Variants in KRR1 observed in about 807,000 individuals in gnomAD.
The protein encoded by KRR1 is KRR1 small subunit processome component homolog.
Under a neutral mutation model 50.0 loss-of-function variants are expected in KRR1, and 23 were observed. The observed-to-expected ratio is 0.46, with a 90% confidence interval of 0.33 to 0.65. The LOEUF is 0.65. Ranked by LOEUF, KRR1 falls within the 30% of genes least tolerant of loss-of-function variation. The pLI is 0.02. For missense variants in KRR1, 419 were observed against 442.4 expected (o/e 0.95, Z 0.47); for synonymous variants, 133 against 146.3 (o/e 0.91, Z 0.66).
At chr12:75,508,181 TAA>T (rs371285294) in intron 2 of KRR1, 91 bp downstream of exon 2, 18,757 of 650,550 alleles carry the variant, frequency 0.029, no homozygotes, top group South Asian at 0.046. Context: ...TTAGCACCAT[TAA>T]AAAAAAAAAA....
At chr12:75,503,827 A>C in intron 7 of KRR1, 77 bp downstream of exon 7, 1 of 1,298,906 alleles carries the variant, frequency 7.7e-7, no homozygotes, top group South Asian at 1.4e-5. Context: ...CCCACCTGAA[A>C]TACTTTCAAT....
rs1469831019 is a variant in KRR1, at chr12:75,496,650, C to T, written c.*3159G>A. 6.6e-6 allele frequency: 1 copy of T among 152,106 alleles called. No individual in the cohort carries two copies. The highest frequency in any genetic ancestry group is 1.9e-4 in the East Asian group (1 of 5,180). The allele number at this position is 152,106 out of a possible 1,614,324, so 9.4% of individuals were successfully genotyped here. A position where few individuals can be genotyped will look rare whatever the true frequency, so the allele number is the denominator to read the frequency against. On this transcript the variant is annotated 3_prime_UTR_variant, in exon 10 of 10. Coordinates refer to ENST00000229214, the MANE Select transcript of KRR1 (RefSeq NM_007043.7). ...GGTACTTTCGTGTCCATATTTGTAACAAACTGAACTCAGAGCAGCCGGGCT... is the reference window on the plus strand; with the variant it reads ...GGTACTTTCGTGTCCATATTTGTAATAAACTGAACTCAGAGCAGCCGGGCT...
intron 6 of KRR1, chr12:75,504,340 A>T (rs1594068401): frequency 1.3e-5 from 3 of 228,046 alleles, no homozygotes; most frequent in Non-Finnish European, 1.7e-5. Flanking sequence ...ATTTCATTAA[A>T]ACATTTAAAA....
intron 6 of KRR1, 99 bp downstream of exon 6, chr12:75,505,099 T>C: frequency 8.1e-7 from 1 of 1,229,188 alleles, no homozygotes; most frequent in South Asian, 1.4e-5. Flanking sequence ...TATCTGTTTG[T>C]GCATTAGAAT....
intron 6 of KRR1, among the ~76,000 whole-genome samples, chr12:75,504,737 A>C (rs150118288): frequency 2.0e-5 from 3 of 152,082 alleles, no homozygotes; most frequent in African/African-American, 7.2e-5. Context: ...CTTTGTGCAC[A>C]CAGGGATATA....
rs1258372127 is a variant in KRR1, at chr12:75,506,983, C to T, written c.259-67G>A. On this transcript the variant is annotated intron_variant, in intron 2 of 9. Coordinates refer to ENST00000229214, the MANE Select transcript of KRR1 (RefSeq NM_007043.7). ...GTTTTTTTAGATAATTATAAAGCCTCTCCTAACCAACCTATTAATTTCTGT... is the reference window on the plus strand; with the variant it reads ...GTTTTTTTAGATAATTATAAAGCCTTTCCTAACCAACCTATTAATTTCTGT... The T allele has an allele frequency of 3.0e-6, 4 of 1,350,824 alleles. No individual in the cohort carries two copies. The East Asian group carries it at 7.8e-5, about 26-fold the overall frequency. 83.7% of individuals were successfully genotyped at this position (1,350,824 alleles called of 1,614,324 possible).
intron 7 of KRR1, 82 bp from the exon 8 acceptor site, chr12:75,502,082 G>A: frequency 8.9e-7 from 1 of 1,125,726 alleles, no homozygotes. Context: ...ATATCCTTAG[G>A]GTAAAAACAA....
chr12:75,499,688 C>A lies in KRR1; in HGVS notation c.*121G>T, dbSNP rs972638034. On this transcript the variant is annotated 3_prime_UTR_variant, in exon 10 of 10. Coordinates refer to ENST00000229214, the MANE Select transcript of KRR1 (RefSeq NM_007043.7). ...ATAAAGAACACTCTTCTATGAACAA[C>A]CACCACCACCAAAAAAAAAAAAAGC... is the stretch of plus-strand genomic sequence containing the variant. The A allele has an allele frequency of 1.8e-6, 1 of 562,914 alleles. No homozygotes were observed. Among genetic ancestry groups the A allele is most frequent in the Non-Finnish European group, 2.9e-6 (1 of 343,042 alleles). The allele number at this position is 562,914 out of a possible 1,614,324, so 34.9% of individuals were successfully genotyped here.
intron 9 of KRR1, 24 bp from the exon 10 acceptor site, chr12:75,499,975 C>A (rs768774833): frequency 2.6e-6 from 4 of 1,558,972 alleles, no homozygotes; most frequent in Non-Finnish European, 8.7e-7. Context: ...AAGCACAACA[C>A]ATGTAATACT....
At position 75,498,613 on chromosome 12, in the gene KRR1, T is replaced by C; in HGVS notation, c.*1196A>G. 8.7e-7 allele frequency: 1 copy of C among 1,143,294 alleles called. No individual in the cohort carries two copies. Among genetic ancestry groups the C allele is most frequent in the Non-Finnish European group, 1.3e-6 (1 of 762,930 alleles). The allele number at this position is 1,143,294 out of a possible 1,614,324, so 70.8% of individuals were successfully genotyped here. ...CAAAGCAAGTTAATGGTCATAATTA[T>C]AAGACTTAGCTTTTTAAAATAAAAC... is the stretch of plus-strand genomic sequence containing the variant. On this transcript the variant is annotated 3_prime_UTR_variant, in exon 10 of 10. Transcript: ENST00000229214.
At chr12:75,502,831 G>T (rs2046403981) in intron 7 of KRR1, 1 of 152,002 alleles carries the variant, frequency 6.6e-6, no homozygotes, top group Non-Finnish European at 1.5e-5. Context: ...AATAAGGCAG[G>T]TGTTATGGAA....
chr12:75,492,786 T>A lies in KRR1; in HGVS notation c.*7023A>T, dbSNP rs1290092485. 6.6e-6 allele frequency: 1 copy of A among 152,228 alleles called. No individual in the cohort carries two copies. Among genetic ancestry groups the A allele is most frequent in the African/African-American group, 2.4e-5 (1 of 41,448 alleles). The allele number at this position is 152,228 out of a possible 1,614,324, so 9.4% of individuals were successfully genotyped here. On this transcript the variant is annotated 3_prime_UTR_variant, in exon 10 of 10. Coordinates refer to ENST00000229214, the MANE Select transcript of KRR1 (RefSeq NM_007043.7). ...GAGAACAGGGCAGTCTCTGTCTTTA[T>A]GAGAGTAATATTTATGGGGCAAACA... is the stretch of plus-strand genomic sequence containing the variant.
chr12:75,503,604 C>A, intron 7 of KRR1: 1 of 205,052 alleles, frequency 4.9e-6, no homozygotes, highest in Non-Finnish European at 9.8e-6. Flanking sequence ...GTTGCCAAAT[C>A]AGAGAAAAGA....
intron 5 of KRR1, 132 bp from the exon 6 acceptor site, chr12:75,505,386 C>T (rs775735191): frequency 5.0e-5 from 43 of 858,972 alleles, no homozygotes; most frequent in Non-Finnish European, 7.1e-5. Context: ...GTAGTTCCTT[C>T]AACTGCTCTG....
intron 1 of KRR1, among the ~76,000 whole-genome samples, chr12:75,508,956 A>G (rs555863121): frequency 8.5e-5 from 13 of 152,292 alleles, no homozygotes; most frequent in African/African-American, 3.1e-4. Flanking sequence ...AGATTTTCCT[A>G]AGCATTTTGA....
At chr12:75,511,165 T>A (rs1481844737) in intron 1 of KRR1, among the ~76,000 whole-genome samples, 1 of 152,158 alleles carries the variant, frequency 6.6e-6, no homozygotes, top group African/African-American at 2.4e-5. Context: ...TATTCCCACC[T>A]CACCCTATTC....
At position 75,498,785 on chromosome 12, in the gene KRR1, G is replaced by T. The variant is rs1235168681; in HGVS notation, c.*1024C>A. ...GTGAATTCTGTCAGTGCATTATGAG[G>T]AACAATGTCTAAGAGGATATTCTAT... On this transcript the variant is annotated 3_prime_UTR_variant, in exon 10 of 10. Coordinates refer to ENST00000229214, the MANE Select transcript of KRR1 (RefSeq NM_007043.7). 6.2e-7 allele frequency: 1 copy of T among 1,609,484 alleles called. No homozygotes were observed. The highest frequency in any genetic ancestry group is 8.5e-7 in the Non-Finnish European group (1 of 1,176,234).
At chr12:75,500,092 CAG>C (rs1285476722) in intron 9 of KRR1, 141 bp from the exon 10 acceptor site, 1 of 582,570 alleles carries the variant, frequency 1.7e-6, no homozygotes, top group African/African-American at 2.0e-5. Flanking sequence ...AAGGTGATCA[CAG>C]TATAAAATAT....
In KRR1 at chr12:75,498,212, G is replaced by GACAGT. The variant is rs1320448410; in HGVS notation, c.*1592_*1596dup. Reference sequence around the variant, plus strand: ...TTTGAATAAAGCTCAGTGAAAGGAGGACAGTAATTAATGACTTGATAGCCA... The same window carrying GACAGT: ...TTTGAATAAAGCTCAGTGAAAGGAGGACAGTACAGTAATTAATGACTTGATAGCCA... On this transcript the variant is annotated 3_prime_UTR_variant, in exon 10 of 10. Transcript: ENST00000229214. 6.6e-6 allele frequency: 1 copy of GACAGT among 152,400 alleles called. No individual in the cohort carries two copies. The highest frequency in any genetic ancestry group is 1.5e-5 in the Non-Finnish European group (1 of 68,270). 9.4% of individuals were successfully genotyped at this position (152,400 alleles called of 1,614,324 possible).
Sources: allele counts gnomAD v4.1 joint callset (sites outside exome capture counted in the v4.1 genomes callset), GRCh38; gene constraint gnomAD v4.1.1; transcripts MANE v1.5; gene names NCBI Gene and HGNC (gene_info 2026-07-23, HGNC 2026-07-21).